ERI1: variants seen among roughly 807,000 people sequenced by gnomAD.
ERI1 encodes exoribonuclease 1.
Under a neutral mutation model 39.7 loss-of-function variants are expected in ERI1, and 39 were observed. The ratio of observed to expected loss-of-function variants is 0.98; its 90% CI spans 0.76 to 1.28. ERI1 has a LOEUF of 1.28. Among genes scored for constraint, ERI1 ranks in the 50% most tolerant of loss-of-function variants. ERI1 has a pLI of 0.00. For missense variants in ERI1, 581 were observed against 416.9 expected, an observed-to-expected ratio of 1.39 and a Z score of -3.43; for synonymous variants, 204 against 149.6, an observed-to-expected ratio of 1.36 and a Z score of -2.65.
intron 6 of ERI1, among the ~76,000 whole-genome samples, chr8:9,023,526 G>C (rs971761144): frequency 2.0e-5 from 3 of 151,974 alleles, no homozygotes; most frequent in Non-Finnish European, 2.9e-5. Flanking sequence ...CTCCTTTTTT[G>C]AGTAAACAGT....
In ERI1 at chr8:9,030,243, A is replaced by C. The variant is rs1029595863; in HGVS notation, c.*209A>C. ...TGTCACCAGCACTTTTGATATGAACAGTATTCGTTACATAGTAACAGTTCC... is the reference window on the plus strand; with the variant it reads ...TGTCACCAGCACTTTTGATATGAACCGTATTCGTTACATAGTAACAGTTCC... On this transcript the variant is annotated 3_prime_UTR_variant, in exon 7 of 7. Transcript: ENST00000250263. The C allele has an allele frequency of 3.9e-5, 23 of 594,324 alleles. No homozygotes were observed. In the South Asian group the frequency reaches 5.0e-4, roughly 13 times the overall value. 36.8% of individuals were successfully genotyped at this position (594,324 alleles called of 1,614,324 possible). A position where few individuals can be genotyped will look rare whatever the true frequency, so the allele number is the denominator to read the frequency against.
rs966168913 is a variant in ERI1, at chr8:9,032,953, C to G, written c.*2919C>G. On this transcript the variant is annotated 3_prime_UTR_variant, in exon 7 of 7. Transcript: ENST00000250263. ...CTACCATGGAGAAGTATATGCTCCT[C>G]GAGACCAGAGACTGTGACTTCTGCA... is the stretch of plus-strand genomic sequence containing the variant. The G allele has an allele frequency of 6.6e-6, 1 of 152,170 alleles. No homozygotes were observed. The highest frequency in any genetic ancestry group is 1.5e-5 in the Non-Finnish European group (1 of 68,032). 9.4% of individuals were successfully genotyped at this position (152,170 alleles called of 1,614,324 possible). A position where few individuals can be genotyped will look rare whatever the true frequency, so the allele number is the denominator to read the frequency against.
intron 3 of ERI1, among the ~76,000 whole-genome samples, chr8:9,095,016 G>A (rs550202491): frequency 1.4e-4 from 21 of 152,278 alleles, no homozygotes; most frequent in African/African-American, 5.1e-4. Flanking sequence ...GGAGCCAGAA[G>A]GTGGGATATG....
At chr8:9,005,407 G>A (rs1456174264) in intron 1 of ERI1, among the ~76,000 whole-genome samples, 2 of 150,976 alleles carry the variant, frequency 1.3e-5, no homozygotes, top group African/African-American at 4.8e-5. Context: ...TAAAAATCAA[G>A]CTCCGGTACC....
intron 3 of ERI1, among the ~76,000 whole-genome samples, chr8:9,083,681 C>T (rs180713029): frequency 3.3e-4 from 50 of 151,734 alleles, no homozygotes; most frequent in African/African-American, 1.2e-3. Context: ...ATGCTTGGCA[C>T]AGTGGTTCAT....
At chr8:9,027,048 C>G (rs1361317062) in intron 6 of ERI1, among the ~76,000 whole-genome samples, 1 of 152,042 alleles carries the variant, frequency 6.6e-6, no homozygotes, top group Admixed American at 6.6e-5. Context: ...CACATTGTTT[C>G]CCACAGTGGC....
intron 3 of ERI1, among the ~76,000 whole-genome samples, chr8:9,052,884 G>T (rs772102857): frequency 2.6e-5 from 4 of 152,142 alleles, no homozygotes; most frequent in Admixed American, 6.5e-5. Context: ...AGAGAGGCTG[G>T]CCACACTACA....
At chr8:9,019,486 G>A (rs2117244524) in intron 5 of ERI1, among the ~76,000 whole-genome samples, 1 of 152,314 alleles carries the variant, frequency 6.6e-6, no homozygotes, top group South Asian at 2.1e-4. Context: ...AGTATACGCA[G>A]TTCTGGTAAA....
intron 3 of ERI1, among the ~76,000 whole-genome samples, chr8:9,040,527 G>T (rs1338160709): frequency 6.6e-6 from 1 of 151,930 alleles, no homozygotes; most frequent in African/African-American, 2.4e-5. Context: ...TTAGAGGGCT[G>T]TATGAAAGCT....
At position 9,018,329 on chromosome 8, in the gene ERI1, G is replaced by C; in HGVS notation, c.615G>C (p.Gln205His). The C allele has an allele frequency of 6.2e-7, 1 of 1,611,910 alleles. No individual in the cohort carries two copies. The highest frequency in any genetic ancestry group is 8.5e-7 in the Non-Finnish European group (1 of 1,178,652). The change falls in exon 5 of 7, where the codon CAG becomes CAC. Residue 205 changes from glutamine (Q) to histidine (H), a missense_variant. Gln to His is a conservative substitution (Grantham distance 24, BLOSUM62 0). Transcript: ENST00000250263. ...TAGACAGAGCTGATACCTTCCCTCA[G>C]GTACTAAAAAAAGTAATTGACTGGA... ...DQVDRADTFP[Q>H]VLKKVIDWMK...
intron 2 of ERI1, 125 bp downstream of exon 2, chr8:9,008,273 C>T: frequency 1.2e-6 from 1 of 832,572 alleles, no homozygotes; most frequent in Non-Finnish European, 1.7e-6. Flanking sequence ...ATTAACAGTT[C>T]ACAAAAACTA....
intron 3 of ERI1, among the ~76,000 whole-genome samples, chr8:9,060,412 G>A (rs979628546): frequency 8.6e-5 from 13 of 151,958 alleles, no homozygotes; most frequent in African/African-American, 3.1e-4. Context: ...TGGGGGGCGG[G>A]GGCAAATCTC....
At chr8:9,063,078 C>G (rs150678203) in intron 3 of ERI1, among the ~76,000 whole-genome samples, 2,238 of 152,260 alleles carry the variant, frequency 0.015, 49 homozygotes, top group South Asian at 0.1. Context: ...CCTTGAAGGC[C>G]AGGTTAATTA....
chr8:9,010,471 TC>T (rs1300297098), intron 2 of ERI1, among the ~76,000 whole-genome samples: 2 of 152,210 alleles, frequency 1.3e-5, no homozygotes, highest in African/African-American at 4.8e-5. Context: ...AGACATTTCA[TC>T]TTAAAAAAGC....
At chr8:9,022,947 G>A (rs765982858) in intron 6 of ERI1, among the ~76,000 whole-genome samples, 1 of 152,106 alleles carries the variant, frequency 6.6e-6, no homozygotes, top group Non-Finnish European at 1.5e-5. Context: ...AGCTCCAAAA[G>A]CTAAGGGTCA....
At chr8:9,050,691 A>C (rs960582000) in intron 3 of ERI1, among the ~76,000 whole-genome samples, 3 of 152,186 alleles carry the variant, frequency 2.0e-5, no homozygotes, top group African/African-American at 7.2e-5. Context: ...AATTGTCCCT[A>C]AAATGAGTCA....
intron 3 of ERI1, among the ~76,000 whole-genome samples, chr8:9,040,163 C>T (rs1232435187): frequency 1.3e-5 from 2 of 152,178 alleles, no homozygotes; most frequent in African/African-American, 4.8e-5. Context: ...CTGTTGGGGC[C>T]TCCACCAAGA....
chr8:9,060,420 C>T lies in ERI1; in HGVS notation n.299+39956C>T, dbSNP rs114570388. 9.1e-3 allele frequency among the ~76,000 whole-genome samples: 1,390 copies of T among 152,028 alleles called. 24 individuals carry two copies. Among genetic ancestry groups the T allele is most frequent in the African/African-American group, 0.031 (1,302 of 41,436 alleles). On this transcript the variant is annotated intron_variant and non_coding_transcript_variant, in intron 3 of 3. Coordinates refer to the ERI1 transcript ENST00000518663. ...ATCCTGGTGGGGGGCGGGGGCAAAT[C>T]TCCAAGCTTGATGTGTAGCGAAGGG...
rs1173622586 is a variant in ERI1, at chr8:9,029,932, C to G, written c.948C>G (p.Leu316=). The G allele has an allele frequency of 6.2e-7, 1 of 1,614,114 alleles. No homozygotes were observed. The highest frequency in any genetic ancestry group is 2.2e-5 in the East Asian group (1 of 44,870). The change falls in exon 7 of 7, where the codon CTC becomes CTG. Residue 316 remains leucine (L), a synonymous_variant. Transcript: ENST00000250263. ...GAATGCTTCAGGATGGGTGTGAACT[C>G]CGAATCAACGAGAAAATGCATGCAG... The part of the protein sequence containing the change: ...AVRMLQDGCE[L]RINEKMHAGQ...
Sources: gnomAD v4.1 joint callset for allele counts (sites outside exome capture counted in the v4.1 genomes callset) on GRCh38, gnomAD v4.1.1 for gene constraint, MANE v1.5 for transcripts, NCBI Gene and HGNC (gene_info 2026-07-23, HGNC 2026-07-21) for gene names.